The following ANXA13 variants were observed in gnomAD, a reference collection of about 807,000 sequenced individuals.
ANXA13 encodes annexin A13.
Under a neutral mutation model 46.6 loss-of-function variants are expected in ANXA13, and 36 were observed. The observed-to-expected ratio is 0.77, with a 90% CI of 0.59 to 1.02. ANXA13 has a LOEUF of 1.02. Ranked by LOEUF, ANXA13 falls within the 50% of genes least tolerant of loss-of-function variation. ANXA13 has a pLI of 0.00. For missense variants in ANXA13, 417 were observed against 396.5 expected, an observed-to-expected ratio of 1.05 and a Z score of -0.44; for synonymous variants, 163 against 152.9, an observed-to-expected ratio of 1.07 and a Z score of -0.49.
chr8:123,683,262 G>A (rs1813071978), intron 10 of ANXA13, among the ~76,000 whole-genome samples: 1 of 151,946 alleles, frequency 6.6e-6, no homozygotes, highest in African/African-American at 2.4e-5. Flanking sequence ...GAGAAAGGAG[G>A]GGAGGAGAAA....
intron 1 of ANXA13, among the ~76,000 whole-genome samples, chr8:123,735,594 C>G (rs574326861): frequency 2.0e-5 from 3 of 152,130 alleles, no homozygotes; most frequent in Non-Finnish European, 4.4e-5. Context: ...AATACAGTAA[C>G]AAACTTTTTG....
At chr8:123,725,694 C>G (rs1254021093) in intron 1 of ANXA13, among the ~76,000 whole-genome samples, 1 of 151,962 alleles carries the variant, frequency 6.6e-6, no homozygotes, top group Non-Finnish European at 1.5e-5. Flanking sequence ...GGCAGTATAC[C>G]CTGTTGGGTA....
At chr8:123,696,263 G>A (rs898404858) in intron 4 of ANXA13, among the ~76,000 whole-genome samples, 8 of 152,158 alleles carry the variant, frequency 5.3e-5, no homozygotes, top group Admixed American at 3.9e-4. Context: ...TACATGGATA[G>A]TCACCTAGAG....
intron 1 of ANXA13, among the ~76,000 whole-genome samples, chr8:123,724,769 T>A (rs950623595): frequency 3.3e-5 from 5 of 152,256 alleles, no homozygotes. Context: ...CTTTGCTTAG[T>A]GATAGTGGAT....
At chr8:123,707,970 G>C (rs2129884661) in intron 2 of ANXA13, among the ~76,000 whole-genome samples, 1 of 152,252 alleles carries the variant, frequency 6.6e-6, no homozygotes, top group South Asian at 2.1e-4. Flanking sequence ...GTCGGGGGAG[G>C]CTATGAAAAC....
chr8:123,720,391 G>A (rs150712968), intron 1 of ANXA13, among the ~76,000 whole-genome samples: 17 of 152,252 alleles, frequency 1.1e-4, no homozygotes, highest in Non-Finnish European at 2.1e-4. Context: ...GATTCTCCTC[G>A]GTTTAGGCTG....
At chr8:123,732,709 A>T (rs888751515) in intron 1 of ANXA13, among the ~76,000 whole-genome samples, 3 of 151,092 alleles carry the variant, frequency 2.0e-5, no homozygotes, top group Non-Finnish European at 3.0e-5. Context: ...CAAAATATCC[A>T]AAAGGCCAAG....
chr8:123,694,038 C>A (rs749350458), intron 6 of ANXA13, among the ~76,000 whole-genome samples: 1 of 151,822 alleles, frequency 6.6e-6, no homozygotes, highest in African/African-American at 2.4e-5. Flanking sequence ...ACCCCACTGA[C>A]CTCTGAGCAG....
At chr8:123,707,874 A>T (rs1813570025) in intron 2 of ANXA13, among the ~76,000 whole-genome samples, 1 of 152,118 alleles carries the variant, frequency 6.6e-6, no homozygotes, top group Non-Finnish European at 1.5e-5. Context: ...ATAAAAATCT[A>T]TGAAATTTTA....
In ANXA13 at chr8:123,702,704, A is replaced by G. The variant is rs1563610909; in HGVS notation, c.124T>C (p.Ser42Pro). The G allele has an allele frequency of 1.2e-6, 2 of 1,614,080 alleles. No individual in the cohort carries two copies. The highest frequency in any genetic ancestry group is 2.2e-5 in the South Asian group (2 of 91,082). The part of the protein sequence containing the change: ...TNEAAIIEIL[S>P]GRTSDERQQI... Reference sequence around the variant, plus strand: ...TGCCTCTCATCTGATGTCCTGCCCGATAAGATTTCAATGATGGCTGCTTCA... The same window carrying G: ...TGCCTCTCATCTGATGTCCTGCCCGGTAAGATTTCAATGATGGCTGCTTCA... The change falls in exon 3 of 11, where the codon TCG becomes CCG. Residue 42 changes from serine to proline, a missense_variant. Transcript: ENST00000419625.
At chr8:123,719,938 G>A (rs1316023968) in intron 1 of ANXA13, among the ~76,000 whole-genome samples, 6 of 151,998 alleles carry the variant, frequency 3.9e-5, no homozygotes, top group African/African-American at 1.2e-4. Context: ...TGTTTGGGAT[G>A]TAGTAGCACG....
intron 3 of ANXA13, among the ~76,000 whole-genome samples, chr8:123,701,192 A>G (rs1186530376): frequency 6.6e-6 from 1 of 150,798 alleles, no homozygotes. Context: ...ATTCAGCTTC[A>G]GGCCAGGCAC....
chr8:123,689,823 T>G (rs1230019933), intron 8 of ANXA13, among the ~76,000 whole-genome samples: 1 of 152,234 alleles, frequency 6.6e-6, no homozygotes, highest in African/African-American at 2.4e-5. Flanking sequence ...AGAAATTATC[T>G]TTTGAGGATA....
At chr8:123,687,583 A>C (rs1449893376) in intron 9 of ANXA13, among the ~76,000 whole-genome samples, 1 of 152,150 alleles carries the variant, frequency 6.6e-6, no homozygotes, top group African/African-American at 2.4e-5. Context: ...TTGCTCATTG[A>C]ATGCAAAATA....
chr8:123,721,186 A>G (rs1813864716), intron 1 of ANXA13, among the ~76,000 whole-genome samples: 1 of 152,220 alleles, frequency 6.6e-6, no homozygotes, highest in South Asian at 2.1e-4. Context: ...AAGTTGTCAC[A>G]AATGGCAGAA....
chr8:123,716,981 CA>C (rs1306013740), intron 1 of ANXA13, among the ~76,000 whole-genome samples: 1 of 152,146 alleles, frequency 6.6e-6, no homozygotes, highest in East Asian at 1.9e-4. Context: ...CATTTGTTTT[CA>C]ACTAGGAGAC....
chr8:123,684,779 T>G (rs1485301920), intron 9 of ANXA13, 57 bp from the exon 10 acceptor site: 1 of 1,339,712 alleles, frequency 7.5e-7, no homozygotes, highest in Non-Finnish European at 1.1e-6. Context: ...GGAATGACCT[T>G]GGGACCCCCC....
intron 1 of ANXA13, among the ~76,000 whole-genome samples, chr8:123,733,363 T>C (rs577966668): frequency 1.3e-5 from 2 of 152,292 alleles, no homozygotes; most frequent in Non-Finnish European, 2.9e-5. Context: ...TAATTTCAAA[T>C]TCTCAGCCAT....
chr8:123,710,670 G>A (rs1265210981), intron 2 of ANXA13, among the ~76,000 whole-genome samples: 1 of 152,096 alleles, frequency 6.6e-6, no homozygotes, highest in Non-Finnish European at 1.5e-5. Flanking sequence ...TAAATTGGTG[G>A]CATTTGGAGT....
Sources: gnomAD v4.1 joint callset for allele counts (sites outside exome capture counted in the v4.1 genomes callset) on GRCh38, gnomAD v4.1.1 for gene constraint, MANE v1.5 for transcripts, NCBI Gene and HGNC (gene_info 2026-07-23, HGNC 2026-07-21) for gene names.